ZNF331: variants seen among roughly 807,000 people sequenced by gnomAD.
ZNF331 encodes C2H2-like zinc finger protein rearranged in thyroid adenomas.
In ZNF331, 2 loss-of-function variants were observed where a neutral mutation model predicts 7.0. The observed-to-expected ratio is 0.29, with a 90% CI of 0.12 to 0.90. The LOEUF (loss-of-function observed/expected upper bound fraction) is 0.90. ZNF331 is among the 40% of genes least tolerant of loss of function. ZNF331 has a pLI of 0.58. For missense variants in ZNF331, 432 were observed against 587.7 expected, an observed-to-expected ratio of 0.74 and a Z score of 2.74; for synonymous variants, 196 against 205.4, an observed-to-expected ratio of 0.95 and a Z score of 0.39.
At chr19:53,527,772 T>G (rs1355424180) in intron 2 of ZNF331, among the ~76,000 whole-genome samples, 1 of 152,242 alleles carries the variant, frequency 6.6e-6, no homozygotes, top group African/African-American at 2.4e-5. Flanking sequence ...GCCAGTTATC[T>G]TTCTCTTGCT....
At chr19:53,576,391 T>C (rs2037777312) in intron 5 of ZNF331, among the ~76,000 whole-genome samples, 1 of 152,260 alleles carries the variant, frequency 6.6e-6, no homozygotes, top group African/African-American at 2.4e-5. Flanking sequence ...ACAGTACTTC[T>C]ATATTTGGTT....
In ZNF331 at chr19:53,571,739, C is replaced by T; in HGVS notation, c.136+9C>T. 1 of 1,604,642 alleles carries T rather than the reference C, an allele frequency of 6.2e-7. No individual in the cohort carries two copies. The highest frequency in any genetic ancestry group is 8.5e-7 in the Non-Finnish European group (1 of 1,175,562). On this transcript the variant is annotated intron_variant, in intron 5 of 5. Transcript: ENST00000449416. This position sits in a 1 kb window ranked among gnomAD's most constrained non-coding sequence, Gnocchi z 4.7. ...TAACTTGGTCTCACTGGGTGAGTTG[C>T]ACGCCTCAGATAACTTAGACTGCCT...
intron 2 of ZNF331, among the ~76,000 whole-genome samples, chr19:53,552,300 A>C (rs938194649): frequency 6.6e-6 from 1 of 152,176 alleles, no homozygotes; most frequent in African/African-American, 2.4e-5. Context: ...TGTGTCTTAG[A>C]ATATTTTTAC....
intron 2 of ZNF331, among the ~76,000 whole-genome samples, chr19:53,532,716 C>T (rs1600228719): frequency 6.6e-6 from 1 of 152,124 alleles, no homozygotes; most frequent in South Asian, 2.1e-4. Flanking sequence ...CTGATGTGTT[C>T]AGATTTTTCT....
At chr19:53,557,338 C>T (rs1033837604) in intron 3 of ZNF331, among the ~76,000 whole-genome samples, 2 of 152,164 alleles carry the variant, frequency 1.3e-5, no homozygotes, top group African/African-American at 2.4e-5. Flanking sequence ...TCCGGTGAGG[C>T]CTTCTTCAAG....
chr19:53,558,873 AC>A lies in ZNF331; in HGVS notation c.-74+2969del, dbSNP rs1431198264. ...ACCATACACACATATACACACACATACCCCATATATACACACATATACACAC... is the reference window on the plus strand; with the variant it reads ...ACCATACACACATATACACACACATACCCATATATACACACATATACACAC... On this transcript the variant is annotated intron_variant, in intron 3 of 5. Coordinates refer to ENST00000449416, the MANE Select transcript of ZNF331 (RefSeq NM_001079906.2). The surrounding 1 kb of genome is among the most constrained non-coding windows in gnomAD (Gnocchi z 4.5). Among the ~76,000 whole-genome samples, 5 of 135,854 alleles carry A rather than the reference AC, an allele frequency of 3.7e-5. No homozygotes were observed. Among genetic ancestry groups the A allele is most frequent in the Admixed American group, 7.1e-5 (1 of 14,110 alleles). The allele number at this position is 135,854 out of a possible 152,430, so 89.1% of individuals were successfully genotyped here.
At chr19:53,557,150 G>T (rs1600385636) in intron 3 of ZNF331, among the ~76,000 whole-genome samples, 2 of 151,748 alleles carry the variant, frequency 1.3e-5, no homozygotes, top group East Asian at 3.9e-4. Flanking sequence ...TAGAGACAGG[G>T]TCTTGCCATG....
upstream of ZNF331, chr19:53,536,505 A>ATT (rs2087754468): frequency 6.6e-6 from 1 of 152,222 alleles, no homozygotes; most frequent in Non-Finnish European, 1.5e-5. Context: ...TTCTTAATTA[A>ATT]TGAGTCAGTA....
At chr19:53,552,001 G>A (rs193256006) in intron 2 of ZNF331, among the ~76,000 whole-genome samples, 1 of 152,002 alleles carries the variant, frequency 6.6e-6, no homozygotes, top group African/African-American at 2.4e-5. Context: ...AATCACTGAC[G>A]CCTGTTGCCT....
In ZNF331 at chr19:53,578,099, T is replaced by C; in HGVS notation, c.*147T>C. ...GTCTCAAATGGTGTGCCCTTCTGAG[T>C]AGCGTGATGAAATCTCTCGCTGTCC... On this transcript the variant is annotated 3_prime_UTR_variant, in exon 6 of 6. Transcript: ENST00000449416. 1 of 1,065,516 alleles carries C rather than the reference T, an allele frequency of 9.4e-7. No individual in the cohort carries two copies. Among genetic ancestry groups the C allele is most frequent in the African/African-American group, 1.6e-5 (1 of 62,468 alleles). The allele number at this position is 1,065,516 out of a possible 1,614,324, so 66.0% of individuals were successfully genotyped here.
chr19:53,530,740 T>C (rs892198396), intron 2 of ZNF331, among the ~76,000 whole-genome samples: 2 of 152,218 alleles, frequency 1.3e-5, no homozygotes, highest in Non-Finnish European at 2.9e-5. Flanking sequence ...TGTGGAAATA[T>C]GTGTCTGTGT....
At chr19:53,530,320 G>C (rs56947357) in intron 2 of ZNF331, among the ~76,000 whole-genome samples, 1 of 85,026 alleles carries the variant, frequency 1.2e-5, no homozygotes, top group African/African-American at 7.4e-5. Context: ...CCTCCCACCA[G>C]GCCCCACCTC....
At chr19:53,522,206 A>G (rs1165820344) in intron 1 of ZNF331, 4 of 150,092 alleles carry the variant, frequency 2.7e-5, no homozygotes, top group Non-Finnish European at 4.4e-5. Context: ...CTTATTTCTG[A>G]TTGATTTTAA....
At chr19:53,516,246 T>C (rs2086900265), upstream of ZNF331, among the ~76,000 whole-genome samples, 2 of 151,658 alleles carry the variant, frequency 1.3e-5, no homozygotes, top group South Asian at 2.1e-4. Context: ...AGGTCAGGAG[T>C]TCGAGACCAG....
At chr19:53,557,832 C>T (rs530167776) in intron 3 of ZNF331, among the ~76,000 whole-genome samples, 46 of 152,098 alleles carry the variant, frequency 3.0e-4, no homozygotes, top group Non-Finnish European at 5.0e-4. Flanking sequence ...GGTGTGGTGG[C>T]GCATGCCTGT....
chr19:53,519,089 G>C (rs2086976502), upstream of ZNF331, among the ~76,000 whole-genome samples: 1 of 152,156 alleles, frequency 6.6e-6, no homozygotes, highest in Admixed American at 6.5e-5. Context: ...CTTATGTCAA[G>C]GGTACTCTAT....
At chr19:53,506,442 C>CTCTCTCTG in the ZNF331 span, among the ~76,000 whole-genome samples, 1 of 65,222 alleles carries the variant, frequency 1.5e-5, no homozygotes, top group Admixed American at 1.6e-4. Context: ...CTCTCTCTCT[C>CTCTCTCTG]TGTCTCTCTC....
chr19:53,526,224 G>C (rs1414966359), intron 2 of ZNF331, among the ~76,000 whole-genome samples: 1 of 152,162 alleles, frequency 6.6e-6, no homozygotes, highest in East Asian at 1.9e-4. Flanking sequence ...CAAAGGTACT[G>C]GCCGGTGATT....
At chr19:53,547,854 G>A (rs1190648475) in intron 2 of ZNF331, among the ~76,000 whole-genome samples, 3 of 152,060 alleles carry the variant, frequency 2.0e-5, no homozygotes, top group East Asian at 3.9e-4. Flanking sequence ...CAAGTTTTCT[G>A]CCCATTTATT....
Sources: gnomAD v4.1 joint callset for allele counts (sites outside exome capture counted in the v4.1 genomes callset) on GRCh38, gnomAD v4.1.1 for gene constraint, Gnocchi (gnomAD v3.1) non-coding constraint, MANE v1.5 for transcripts, NCBI Gene and HGNC (gene_info 2026-07-23, HGNC 2026-07-21) for gene names.